The following CYYR1 variants were observed in gnomAD, a reference collection of about 807,000 sequenced individuals.
The protein encoded by CYYR1 is cysteine and tyrosine-rich protein 1.
In CYYR1, 14 loss-of-function variants were observed where a neutral mutation model predicts 15.2. That is an observed-to-expected ratio of 0.92 (90% CI 0.61 to 1.44). The LOEUF (loss-of-function observed/expected upper bound fraction) is 1.44. CYYR1 is among the 40% of genes most tolerant of loss of function. CYYR1 has a pLI of 0.00. For missense variants in CYYR1, 228 were observed against 209.5 expected (o/e 1.09, Z -0.54); for synonymous variants, 80 against 77.4 (o/e 1.03, Z -0.18).
At chr21:26,477,639 T>C (rs1470249678) in intron 3 of CYYR1, 7 of 694,534 alleles carry the variant, frequency 1.0e-5, no homozygotes, top group African/African-American at 7.8e-5. Context: ...AAATAAAATA[T>C]TGAACATTTT....
intron 2 of CYYR1, among the ~76,000 whole-genome samples, chr21:26,545,741 G>T (rs935601924): frequency 6.6e-6 from 1 of 151,484 alleles, no homozygotes; most frequent in African/African-American, 2.4e-5. Context: ...CACCACGCCC[G>T]GCTAATTTTT....
At chr21:26,558,119 G>A (rs1979927723) in intron 2 of CYYR1, among the ~76,000 whole-genome samples, 1 of 152,172 alleles carries the variant, frequency 6.6e-6, no homozygotes, top group Admixed American at 6.5e-5. Flanking sequence ...GTAATGCCTG[G>A]GAGTTGGTTA....
In CYYR1 at chr21:26,564,591, T is replaced by C. The variant is rs1018214940; in HGVS notation, c.176+1675A>G. On this transcript the variant is annotated intron_variant, in intron 2 of 3. Coordinates refer to ENST00000652641, the MANE Select transcript of CYYR1 (RefSeq NM_001320768.2). The stretch of plus-strand genomic sequence containing the variant: ...CACTGCAAATGTAAATCATATCAAG[T>C]ACATCTATAAATTCAAATATATAAA... 5.3e-6 allele frequency: 4 copies of C among 755,298 alleles called. No homozygotes were observed. The African/African-American group carries it at 7.6e-5, about 14-fold the overall frequency. 46.8% of individuals were successfully genotyped at this position (755,298 alleles called of 1,614,324 possible). A position where few individuals can be genotyped will look rare whatever the true frequency, so the allele number is the denominator to read the frequency against.
In CYYR1 at chr21:26,468,506, T is replaced by G. The variant is rs750849640; in HGVS notation, c.463A>C (p.Lys155Gln). The G allele has an allele frequency of 1.9e-6, 3 of 1,562,164 alleles. No individual in the cohort carries two copies. The South Asian group carries it at 3.3e-5, about 17-fold the overall frequency. The change falls in exon 4 of 4, where the codon AAA becomes CAA. Residue 155 changes from lysine (K) to glutamine (Q), a missense_variant. Lys to Gln is a moderately conservative substitution (Grantham distance 53). Coordinates refer to ENST00000652641, the MANE Select transcript of CYYR1 (RefSeq NM_001320768.2). ...PPPPYPGNAR[K>Q] ...GTTCTGTTCTGGGAGATAGATTATT[T>G]CCTTGCGTTTCCAGGATAAGGAGGG...
Position 26,466,939 on chromosome 21 carries a change from T to G in CYYR1, c.*1562A>C, listed in dbSNP as rs1301373736. The G allele has an allele frequency of 1.3e-5, 2 of 152,182 alleles. No homozygotes were observed. Among genetic ancestry groups the G allele is most frequent in the Non-Finnish European group, 2.9e-5 (2 of 68,032 alleles). The allele number at this position is 152,182 out of a possible 1,614,324, so 9.4% of individuals were successfully genotyped here. ...TACTGGCAGGTAGGTTATATTTCAG[T>G]CAGATCAATATCTTTCTAATATAGG... On this transcript the variant is annotated 3_prime_UTR_variant, in exon 4 of 4. Coordinates refer to ENST00000652641, the MANE Select transcript of CYYR1 (RefSeq NM_001320768.2).
At chr21:26,477,516 A>G (rs2065120045) in intron 3 of CYYR1, 1 of 214,288 alleles carries the variant, frequency 4.7e-6, no homozygotes, top group African/African-American at 2.3e-5. Context: ...TTAAAAACAT[A>G]TTTCCGTCGG....
At chr21:26,531,467 C>T (rs1207444171) in intron 2 of CYYR1, among the ~76,000 whole-genome samples, 6 of 152,132 alleles carry the variant, frequency 3.9e-5, no homozygotes, top group Admixed American at 3.9e-4. Context: ...CCTGGACTTC[C>T]TCCTTGCTGT....
rs1363436923 is a variant in CYYR1 at position 26,468,569 on chromosome 21, A to T, written c.400T>A (p.Ser134Thr). Residue 134 changes from serine to threonine, a missense_variant, in exon 4 of 4, where the codon TCC (serine) becomes ACC (threonine). By Grantham distance (58) the Ser-to-Thr change is moderately conservative (BLOSUM62 1). Transcript: ENST00000652641. The stretch of plus-strand genomic sequence containing the variant: ...TGTGCTGGACCCTGTGGGGTGGGGG[A>T]GTATGGAGGAGGCAAGTCTGCACAG... ...EYCADLPPPY[S>T]PTPQGPAQRS... is the part of the protein sequence containing the mutation. 7 of 1,612,760 alleles carry T rather than the reference A, an allele frequency of 4.3e-6. No individual in the cohort carries two copies. The South Asian group carries it at 7.7e-5, about 18-fold the overall frequency.
chr21:26,533,810 A>G (rs1238322829), intron 2 of CYYR1, among the ~76,000 whole-genome samples: 1 of 152,158 alleles, frequency 6.6e-6, no homozygotes, highest in African/African-American at 2.4e-5. Context: ...TTCGTCTGAG[A>G]GTGAAAAGAT....
chr21:26,520,395 C>A (rs2065789245), intron 2 of CYYR1, among the ~76,000 whole-genome samples: 2 of 151,764 alleles, frequency 1.3e-5, no homozygotes, highest in Admixed American at 6.6e-5. Context: ...CATGTCCCTG[C>A]AAAGGACATG....
chr21:26,540,001 A>T (rs866197735), intron 2 of CYYR1, among the ~76,000 whole-genome samples: 1 of 152,214 alleles, frequency 6.6e-6, no homozygotes, highest in Non-Finnish European at 1.5e-5. Flanking sequence ...ATGCAATGTC[A>T]CTTTAAGGAA....
At position 26,480,299 on chromosome 21, in the gene CYYR1, G is replaced by T; in HGVS notation, c.307C>A (p.His103Asn). 1.2e-6 allele frequency: 2 copies of T among 1,612,900 alleles called. No individual in the cohort carries two copies. The highest frequency in any genetic ancestry group is 1.7e-6 in the Non-Finnish European group (2 of 1,179,448). ...GGATAGGAGGAGACGGTGTTGATGT[G>T]AGTCGTCCTGAGGATGCCCACGCGG... ...ATRVGILRTT[H>N]INTVSSYPAG... is the part of the protein sequence containing the mutation. Residue 103 changes from histidine to asparagine, a missense_variant, in exon 3 of 4, where the codon CAC becomes AAC. Physicochemically the swap from His to Asn is moderately conservative, Grantham distance 68. Transcript: ENST00000652641.
At chr21:26,517,592 G>T (rs954361981) in intron 2 of CYYR1, among the ~76,000 whole-genome samples, 4 of 152,142 alleles carry the variant, frequency 2.6e-5, no homozygotes, top group Admixed American at 2.0e-4. Flanking sequence ...GTCTTGCTTT[G>T]TTGTCCAGGC....
intron 2 of CYYR1, among the ~76,000 whole-genome samples, chr21:26,493,339 A>G (rs2065353065): frequency 6.6e-6 from 1 of 152,198 alleles, no homozygotes; most frequent in Non-Finnish European, 1.5e-5. Context: ...TGGGTACCAG[A>G]CTGCATCCAG....
chr21:26,486,603 G>C (rs1265013928), intron 2 of CYYR1, among the ~76,000 whole-genome samples: 1 of 151,344 alleles, frequency 6.6e-6, no homozygotes, highest in Non-Finnish European at 1.5e-5. Flanking sequence ...ACTGTTTCTA[G>C]GTTCTAATTT....
At chr21:26,491,917 G>A (rs571074615) in intron 2 of CYYR1, among the ~76,000 whole-genome samples, 1 of 152,230 alleles carries the variant, frequency 6.6e-6, no homozygotes, top group Admixed American at 6.5e-5. Context: ...CTGTTCTAGG[G>A]CTGTCAGTGA....
intron 2 of CYYR1, chr21:26,564,815 G>A: frequency 8.0e-7 from 1 of 1,245,038 alleles, no homozygotes; most frequent in South Asian, 1.4e-5. Context: ...CTCTACCTGG[G>A]ACAGCAGCAT....
At chr21:26,477,707 C>A in intron 3 of CYYR1, 1 of 974,958 alleles carries the variant, frequency 1.0e-6, no homozygotes, top group African/African-American at 1.8e-5. Flanking sequence ...TAATGAGTAT[C>A]TAGAACGTTA....
At chr21:26,524,898 T>C (rs1410980476) in intron 2 of CYYR1, among the ~76,000 whole-genome samples, 1 of 152,178 alleles carries the variant, frequency 6.6e-6, no homozygotes, top group South Asian at 2.1e-4. Context: ...AATGTCATGC[T>C]CACTTTATAA....
Sources: allele counts gnomAD v4.1 joint callset (sites outside exome capture counted in the v4.1 genomes callset), GRCh38; gene constraint gnomAD v4.1.1; transcripts MANE v1.5; gene names NCBI Gene and HGNC (gene_info 2026-07-23, HGNC 2026-07-21).